REDIC1: variants seen among roughly 807,000 people sequenced by gnomAD.
REDIC1 encodes the protein HEI10 Interacting Protein 1.
chr12:39,825,245 A>G, the REDIC1 span, among the ~76,000 whole-genome samples: 1 of 152,172 alleles, frequency 6.6e-6, no homozygotes, highest in African/African-American at 2.4e-5. Flanking sequence ...TTCAGAATAG[A>G]TTATTTAAGG....
At chr12:39,809,382 T>C in the REDIC1 span, among the ~76,000 whole-genome samples, 1 of 152,312 alleles carries the variant, frequency 6.6e-6, no homozygotes, top group East Asian at 1.9e-4. Context: ...CCATTCCAGT[T>C]CTTTTGCATT....
the REDIC1 span, among the ~76,000 whole-genome samples, chr12:39,658,142 G>A: frequency 6.6e-6 from 1 of 151,422 alleles, no homozygotes; most frequent in African/African-American, 2.4e-5. Context: ...GTGCAGTGGT[G>A]TGATGTTGGC....
the REDIC1 span, among the ~76,000 whole-genome samples, chr12:39,780,562 G>GACTC: frequency 1.7e-4 from 26 of 152,128 alleles, 1 homozygote; most frequent in Non-Finnish European, 2.8e-4. Context: ...ATTCTCTTTT[G>GACTC]ACTCAGTATC....
the REDIC1 span, among the ~76,000 whole-genome samples, chr12:39,871,619 C>T: frequency 2.6e-5 from 4 of 151,858 alleles, no homozygotes; most frequent in Admixed American, 6.6e-5. Context: ...AGTCACGTAG[C>T]GTAACAGTTG....
the REDIC1 span, among the ~76,000 whole-genome samples, chr12:39,892,199 T>C: frequency 1.3e-5 from 2 of 152,222 alleles, no homozygotes; most frequent in African/African-American, 4.8e-5. Context: ...ATAGCTATAT[T>C]TCTGTAATTA....
chr12:39,869,725 G>A, the REDIC1 span, among the ~76,000 whole-genome samples: 3 of 152,184 alleles, frequency 2.0e-5, no homozygotes, highest in African/African-American at 4.8e-5. Context: ...TACACTGAGA[G>A]GGAAACATGA....
chr12:39,712,607 G>C, the REDIC1 span, among the ~76,000 whole-genome samples: 1 of 143,212 alleles, frequency 7.0e-6, no homozygotes, highest in South Asian at 2.1e-4. Flanking sequence ...ACATATATAT[G>C]TATATATAGA....
At chr12:39,719,374 C>G in the REDIC1 span, among the ~76,000 whole-genome samples, 1 of 152,090 alleles carries the variant, frequency 6.6e-6, no homozygotes, top group Non-Finnish European at 1.5e-5. Flanking sequence ...TGCTTGTAAT[C>G]CCAGCATTTT....
chr12:39,714,035 A>G, the REDIC1 span, among the ~76,000 whole-genome samples: 1 of 148,016 alleles, frequency 6.8e-6, no homozygotes, highest in Admixed American at 6.8e-5. Context: ...GTATATATAC[A>G]TGTATATACA....
At chr12:39,781,101 T>TA in the REDIC1 span, among the ~76,000 whole-genome samples, 1 of 152,242 alleles carries the variant, frequency 6.6e-6, no homozygotes. Flanking sequence ...GCCTTTTTTT[T>TA]ACTCACTTCC....
chr12:39,773,384 C>G, the REDIC1 span, among the ~76,000 whole-genome samples: 2 of 152,162 alleles, frequency 1.3e-5, no homozygotes, highest in African/African-American at 4.8e-5. Context: ...GTTCCCTGTT[C>G]CAATCATGGA....
the REDIC1 span, among the ~76,000 whole-genome samples, chr12:39,651,102 T>C: frequency 6.6e-6 from 1 of 152,196 alleles, no homozygotes; most frequent in Non-Finnish European, 1.5e-5. Context: ...GCTATGTTTT[T>C]TTGTATGCAT....
chr12:39,857,660 C>T, the REDIC1 span, among the ~76,000 whole-genome samples: 1 of 152,148 alleles, frequency 6.6e-6, no homozygotes, highest in Non-Finnish European at 1.5e-5. Context: ...TCCTATTACC[C>T]TTTGAAGGCT....
the REDIC1 span, chr12:39,908,233 A>T: frequency 6.6e-6 from 1 of 152,058 alleles, no homozygotes; most frequent in Non-Finnish European, 1.5e-5. Context: ...TTGAAATGAG[A>T]CTATTATCTT....
At chr12:39,712,322 AC>A in the REDIC1 span, among the ~76,000 whole-genome samples, 2 of 43,226 alleles carry the variant, frequency 4.6e-5, 1 homozygote, top group African/African-American at 1.1e-4. Flanking sequence ...ATGTATATAT[AC>A]ATATGTTTAT....
At chr12:39,862,959 C>T in the REDIC1 span, among the ~76,000 whole-genome samples, 1 of 152,100 alleles carries the variant, frequency 6.6e-6, no homozygotes, top group Non-Finnish European at 1.5e-5. Context: ...ACCATAAAAA[C>T]CCAGTAAGCG....
At chr12:39,630,426 G>A in the REDIC1 span, among the ~76,000 whole-genome samples, 1 of 152,082 alleles carries the variant, frequency 6.6e-6, no homozygotes, top group African/African-American at 2.4e-5. Flanking sequence ...TTAGGTGAGG[G>A]AGAGGTTACC....
At chr12:39,880,481 T>C in the REDIC1 span, among the ~76,000 whole-genome samples, 8 of 152,156 alleles carry the variant, frequency 5.3e-5, no homozygotes, top group Admixed American at 2.6e-4. Flanking sequence ...CAATTGCACA[T>C]ATTTCATACG....
the REDIC1 span, among the ~76,000 whole-genome samples, chr12:39,668,131 C>T: frequency 2.0e-5 from 3 of 151,216 alleles, no homozygotes; most frequent in African/African-American, 4.9e-5. Context: ...TGTTATTTTG[C>T]TTGTTAGTTG....
Sources: allele counts gnomAD v4.1 joint callset (sites outside exome capture counted in the v4.1 genomes callset), GRCh38; gene constraint gnomAD v4.1.1; transcripts MANE v1.5; gene names NCBI Gene and HGNC (gene_info 2026-07-23, HGNC 2026-07-21).